Variants in SSPN observed in about 807,000 individuals in gnomAD.
SSPN encodes the protein K-ras oncogene-associated protein.
In SSPN, 15 loss-of-function variants were observed where a neutral mutation model predicts 19.1. That is an observed-to-expected ratio of 0.78 (90% CI 0.52 to 1.21). The LOEUF is 1.21. SSPN is among the 50% of genes most tolerant of loss of function. SSPN has a pLI of 0.00. For missense variants in SSPN, 291 were observed against 314.0 expected (o/e 0.93, Z 0.55); for synonymous variants, 147 against 140.3 (o/e 1.05, Z -0.34).
intron 1 of SSPN, among the ~76,000 whole-genome samples, chr12:26,157,096 A>G (rs970131251): frequency 1.3e-5 from 2 of 152,216 alleles, no homozygotes; most frequent in African/African-American, 4.8e-5. Context: ...CATGTTTAGT[A>G]AAAACAACTC....
rs573446676 is a variant in SSPN at position 26,122,155 on chromosome 12, G to A, written c.-31+3G>A. The A allele has an allele frequency of 9.5e-5, 147 of 1,542,094 alleles. 3 individuals carry two copies. The South Asian group carries it at 1.7e-3, about 18-fold the overall frequency. On this transcript the variant is annotated splice_donor_region_variant and intron_variant, in intron 1 of 2. Coordinates refer to the SSPN transcript ENST00000538142. ...TCGCGGGGCCCGGCGAAGGGCAGGT[G>A]GGTGCGGCCGTGCGGGTGCTGGGGG...
intron 1 of SSPN, among the ~76,000 whole-genome samples, chr12:26,206,105 C>T (rs1944928940): frequency 6.6e-6 from 1 of 152,240 alleles, no homozygotes; most frequent in African/African-American, 2.4e-5. Context: ...TCAAGACCTC[C>T]CTGAAGCTTT....
intron 1 of SSPN, chr12:26,124,732 A>C (rs749776518): frequency 3.1e-6 from 5 of 1,614,184 alleles, no homozygotes; most frequent in Non-Finnish European, 4.2e-6. Flanking sequence ...TAAAATCTCT[A>C]TGTTCCAGTA....
chr12:26,133,398 C>T (rs1487134486), intron 1 of SSPN, among the ~76,000 whole-genome samples: 1 of 152,198 alleles, frequency 6.6e-6, no homozygotes, highest in East Asian at 1.9e-4. Flanking sequence ...ACTGCCCACA[C>T]TCCAGACCAG....
chr12:26,205,695 G>C (rs1462950753), intron 1 of SSPN, among the ~76,000 whole-genome samples: 1 of 152,182 alleles, frequency 6.6e-6, no homozygotes, highest in Non-Finnish European at 1.5e-5. Flanking sequence ...GGGCACCCAA[G>C]GCAGTGAAGA....
At chr12:26,219,565 A>G (rs1210823388) in intron 1 of SSPN, among the ~76,000 whole-genome samples, 1 of 152,234 alleles carries the variant, frequency 6.6e-6, no homozygotes, top group Non-Finnish European at 1.5e-5. Context: ...TTCACTCTGC[A>G]TGGACAAAAA....
At chr12:26,201,900 T>C (rs1944888788) in intron 1 of SSPN, among the ~76,000 whole-genome samples, 1 of 152,190 alleles carries the variant, frequency 6.6e-6, no homozygotes, top group South Asian at 2.1e-4. Flanking sequence ...TACTTGCCAT[T>C]ATCAGAGCTT....
At chr12:26,180,479 T>C (rs1220523201) in intron 1 of SSPN, 1 of 152,194 alleles carries the variant, frequency 6.6e-6, no homozygotes, top group East Asian at 1.9e-4. Context: ...AGCCCTACCA[T>C]CGTGCAAAAT....
chr12:26,205,220 G>A (rs1207144976), intron 1 of SSPN, among the ~76,000 whole-genome samples: 1 of 152,196 alleles, frequency 6.6e-6, no homozygotes. Flanking sequence ...CCTGGAGGAA[G>A]CGCTTTTAAG....
intron 1 of SSPN, among the ~76,000 whole-genome samples, chr12:26,219,667 G>C (rs1397250511): frequency 6.8e-6 from 1 of 146,200 alleles, no homozygotes; most frequent in East Asian, 2.1e-4. Context: ...ATAAAGTGAT[G>C]ATTACCGTCT....
rs34853948 is a variant in SSPN at position 26,186,204 on chromosome 12, T to TAA, written c.-30-38080_-30-38079dup. Among the ~76,000 whole-genome samples, 243 of 149,756 alleles carry TAA rather than the reference T, an allele frequency of 1.6e-3. 1 individual carries two copies. The highest frequency in any genetic ancestry group is 4.6e-3 in the African/African-American group (189 of 40,768). ...CCAAACATAACTGCATCAGGAATGT[T>TAA]AAAAAAAAAACAACAACCATTTTAA... On this transcript the variant is annotated intron_variant, in intron 1 of 2. Coordinates refer to the SSPN transcript ENST00000538142.
chr12:26,129,119 G>A (rs76917601), intron 1 of SSPN, among the ~76,000 whole-genome samples: 6,008 of 152,260 alleles, frequency 0.039, 153 homozygotes, highest in South Asian at 0.071. Context: ...GAACCCAAGT[G>A]TGATCCAAAC....
At chr12:26,123,249 T>C in intron 1 of SSPN, 1 of 1,471,866 alleles carries the variant, frequency 6.8e-7, no homozygotes, top group East Asian at 2.4e-5. Context: ...CATCTGCTTA[T>C]CACGTGGGCC....
At chr12:26,184,233 A>T (rs993015649) in intron 1 of SSPN, among the ~76,000 whole-genome samples, 1 of 152,222 alleles carries the variant, frequency 6.6e-6, no homozygotes, top group South Asian at 2.1e-4. Context: ...CACTGTGTAT[A>T]TTTATACATT....
chr12:26,208,432 T>C (rs951484046), intron 1 of SSPN, among the ~76,000 whole-genome samples: 1 of 152,226 alleles, frequency 6.6e-6, no homozygotes, highest in African/African-American at 2.4e-5. Context: ...AAATATTTTC[T>C]ATGGGTTGTT....
chr12:26,195,667 A>G lies in SSPN; in HGVS notation c.-6A>G. ...CACCCACCCACCCACCCAGCCTCGCAGCGCCATGGGCAAGAACAAGCAGCC... is the reference window on the plus strand; with the variant it reads ...CACCCACCCACCCACCCAGCCTCGCGGCGCCATGGGCAAGAACAAGCAGCC... On this transcript the variant is annotated 5_prime_UTR_variant, in exon 1 of 3. Coordinates refer to ENST00000242729, the MANE Select transcript of SSPN (RefSeq NM_005086.5). 1 of 63,138 alleles carries G rather than the reference A, an allele frequency of 1.6e-5. No homozygotes were observed. The highest frequency in any genetic ancestry group is 2.0e-5 in the Non-Finnish European group (1 of 49,558). 3.9% of individuals were successfully genotyped at this position (63,138 alleles called of 1,614,324 possible). A position where few individuals can be genotyped will look rare whatever the true frequency, so the allele number is the denominator to read the frequency against.
chr12:26,218,294 A>C (rs1251879081), intron 1 of SSPN, among the ~76,000 whole-genome samples: 1 of 86,786 alleles, frequency 1.2e-5, no homozygotes, highest in African/African-American at 4.5e-5. Flanking sequence ...AGGAAGGGGA[A>C]TATCACACTC....
At chr12:26,220,046 G>A (rs7955562) in intron 1 of SSPN, among the ~76,000 whole-genome samples, 13,642 of 152,024 alleles carry the variant, frequency 0.09, 1,248 homozygotes, top group African/African-American at 0.23. Context: ...CCAGAATGCC[G>A]TGTCTTCCTG....
chr12:26,219,344 G>A (rs375564454), intron 1 of SSPN, among the ~76,000 whole-genome samples: 1 of 152,002 alleles, frequency 6.6e-6, no homozygotes, highest in Non-Finnish European at 1.5e-5. Context: ...TAATAAGCAG[G>A]TAAATCTCCG....
Sources: gnomAD v4.1 joint callset for allele counts (sites outside exome capture counted in the v4.1 genomes callset) on GRCh38, gnomAD v4.1.1 for gene constraint, MANE v1.5 for transcripts, NCBI Gene and HGNC (gene_info 2026-07-23, HGNC 2026-07-21) for gene names.